MKNK2: variants seen among roughly 807,000 people sequenced by gnomAD.
MKNK2 encodes MAPK interacting serine/threonine kinase 2.
Under a neutral mutation model 55.0 loss-of-function variants are expected in MKNK2, and 54 were observed. The observed-to-expected ratio is 0.98, with a 90% CI of 0.79 to 1.23. The LOEUF is 1.23. Ranked by LOEUF, MKNK2 falls within the 50% of genes most tolerant of loss-of-function variation. The pLI, the probability that MKNK2 is intolerant of heterozygous loss-of-function variation, is 0.00. For missense variants in MKNK2, 685 were observed against 632.1 expected, an observed-to-expected ratio of 1.08 and a Z score of -0.90; for synonymous variants, 323 against 256.0, an observed-to-expected ratio of 1.26 and a Z score of -2.50.
chr19:2,042,964 GC>G, intron 7 of MKNK2, 94 bp from the exon 8 acceptor site: 3 of 1,385,828 alleles, frequency 2.2e-6, no homozygotes, highest in Non-Finnish European at 2.0e-6. Flanking sequence ...TGGCGGGGAC[GC>G]CCCCACACTG....
At chr19:2,040,604 C>G in intron 12 of MKNK2, 1 of 266,378 alleles carries the variant, frequency 3.8e-6, no homozygotes, top group Non-Finnish European at 7.2e-6. Flanking sequence ...ATCCTCACTC[C>G]CTGGGGTGGC....
At chr19:2,039,935 G>A in intron 13 of MKNK2, 79 bp from the exon 14 acceptor site, 2 of 1,496,876 alleles carry the variant, frequency 1.3e-6, no homozygotes, top group Non-Finnish European at 9.0e-7. Context: ...GGCCCTGGGG[G>A]AAGGGGCTTC....
At chr19:2,045,356 C>T (rs2016974758) in intron 5 of MKNK2, among the ~76,000 whole-genome samples, 1 of 152,180 alleles carries the variant, frequency 6.6e-6, no homozygotes, top group African/African-American at 2.4e-5. Flanking sequence ...GGAACGCCTG[C>T]TGTGTGGAAG....
At position 2,050,831 on chromosome 19, in the gene MKNK2, G is replaced by C. The variant is rs1350399616; in HGVS notation, c.21C>G (p.Ala7=). 9.1e-6 allele frequency: 14 copies of C among 1,537,400 alleles called. No homozygotes were observed. The highest frequency in any genetic ancestry group is 8.0e-5 in the Admixed American group (4 of 50,288). MVQKKP[A]ELQGFHRSFK... ...ACGAACGGTGGAAACCCTGAAGTTCGGCTGGTTTCTTCTGCACCATCTTCT... is the reference window on the plus strand; with the variant it reads ...ACGAACGGTGGAAACCCTGAAGTTCCGCTGGTTTCTTCTGCACCATCTTCT... The change falls in exon 2 of 14, where the codon GCC becomes GCG. Residue 7 remains alanine (A), a synonymous_variant. Coordinates refer to ENST00000250896, the MANE Select transcript of MKNK2 (RefSeq NM_199054.3).
intron 5 of MKNK2, among the ~76,000 whole-genome samples, 182 bp downstream of exon 5, chr19:2,046,004 C>A (rs1490857862): frequency 6.6e-6 from 1 of 152,238 alleles, no homozygotes; most frequent in Non-Finnish European, 1.5e-5. Flanking sequence ...GAAGCCCCCA[C>A]CCTGGTACCA....
At chr19:2,047,102 G>A (rs192795461) in intron 2 of MKNK2, among the ~76,000 whole-genome samples, 14 of 152,312 alleles carry the variant, frequency 9.2e-5, no homozygotes, top group African/African-American at 3.1e-4. Flanking sequence ...TGGAAGGCGT[G>A]AGGCCTCCTA....
At position 2,050,797 on chromosome 19, in the gene MKNK2, T is replaced by G. The variant is rs1217189189; in HGVS notation, c.51+4A>C. ...AGCGCCCCCAAACCGACCCCGGGCC[T>G]CACCTTGAACGAACGGTGGAAACCC... On this transcript the variant is annotated splice_donor_region_variant and intron_variant, in intron 2 of 13. Coordinates refer to ENST00000250896, the MANE Select transcript of MKNK2 (RefSeq NM_199054.3). 1 of 1,536,596 alleles carries G rather than the reference T, an allele frequency of 6.5e-7. No individual in the cohort carries two copies. The highest frequency in any genetic ancestry group is 8.8e-7 in the Non-Finnish European group (1 of 1,141,410).
chr19:2,050,474 C>T (rs1474729202), intron 2 of MKNK2, among the ~76,000 whole-genome samples: 3 of 152,240 alleles, frequency 2.0e-5, no homozygotes, highest in South Asian at 2.1e-4. Flanking sequence ...AGCCTGCTGA[C>T]CCCCCAGAAC....
At chr19:2,039,946 A>G in intron 13 of MKNK2, 90 bp from the exon 14 acceptor site, 2 of 1,472,192 alleles carry the variant, frequency 1.4e-6, no homozygotes, top group Non-Finnish European at 1.8e-6. Context: ...AAGGGGCTTC[A>G]TGCCCCCCTC....
At chr19:2,050,716 A>T (rs2017097228) in intron 2 of MKNK2, 85 bp downstream of exon 2, 1 of 1,337,976 alleles carries the variant, frequency 7.5e-7, no homozygotes, top group South Asian at 1.3e-5. Context: ...CCGGGAGCCG[A>T]TCTTAGGGGC....
In MKNK2 at chr19:2,041,068, TG is replaced by T; in HGVS notation, c.1081del (p.Gln361LysfsTer42). The T allele has an allele frequency of 6.2e-7, 1 of 1,613,972 alleles. No homozygotes were observed. Among genetic ancestry groups the T allele is most frequent in the Non-Finnish European group, 8.5e-7 (1 of 1,179,926 alleles). ...RDAKQRLSAA[Q>X]VLQHPWVQGC... Reference sequence around the variant, plus strand: ...CTGAACCCAGGGGTGCTGCAGGACTTGGGCGGCACTCAGCCTCTGCTTGGCG... The same window carrying T: ...CTGAACCCAGGGGTGCTGCAGGACTTGGCGGCACTCAGCCTCTGCTTGGCG... On this transcript the variant is annotated frameshift_variant, in exon 12 of 14. Transcript: ENST00000250896. LOFTEE classifies it high-confidence loss of function.
At chr19:2,040,383 C>T (rs1194676191) in intron 12 of MKNK2, 5 of 538,456 alleles carry the variant, frequency 9.3e-6, no homozygotes, top group East Asian at 3.2e-5. Flanking sequence ...CCAGGGAACC[C>T]GAGGCTGGGC....
Position 2,043,207 on chromosome 19 carries a change from G to A in MKNK2, c.420-10C>T. 6.2e-7 allele frequency: 1 copy of A among 1,606,814 alleles called. No individual in the cohort carries two copies. Among genetic ancestry groups the A allele is most frequent in the Non-Finnish European group, 8.5e-7 (1 of 1,173,804 alleles). Reference sequence around the variant, plus strand: ...CAGCTCTAGGACGTTCCTGGGGTGGGGGTGGGGGCAGGAGAGGAGCTGAGG... The same window carrying A: ...CAGCTCTAGGACGTTCCTGGGGTGGAGGTGGGGGCAGGAGAGGAGCTGAGG... On this transcript the variant is annotated splice_polypyrimidine_tract_variant and intron_variant, in intron 6 of 13. Coordinates refer to ENST00000250896, the MANE Select transcript of MKNK2 (RefSeq NM_199054.3).
Position 2,040,171 on chromosome 19 carries a change from G to A in MKNK2, c.1117C>T (p.Pro373Ser), listed in dbSNP as rs760762669. 4 of 1,584,346 alleles carry A rather than the reference G, an allele frequency of 2.5e-6. No homozygotes were observed. Among genetic ancestry groups the A allele is most frequent in the African/African-American group, 1.3e-5 (1 of 74,488 alleles). Residue 373 changes from proline (P) to serine (S), a missense_variant, in exon 13 of 14, where the codon CCG becomes TCG. Coordinates refer to ENST00000250896, the MANE Select transcript of MKNK2 (RefSeq NM_199054.3). ...LQHPWVQGCA[P>S]ENTLPTPMVL... ...ATGGGAGTGGGCAAGGTGTTCTCCG[G>A]GGCGCACTGCAACGAGAGTGGGCGG...
chr19:2,042,957 C>G, intron 7 of MKNK2, 87 bp from the exon 8 acceptor site: 3 of 1,417,808 alleles, frequency 2.1e-6, no homozygotes, highest in South Asian at 2.5e-5. Context: ...TCCACTTTGG[C>G]GGGGACGCCC....
Position 2,046,287 on chromosome 19 carries a change from C to G in MKNK2, c.242-4G>C, listed in dbSNP as rs1478027850. On this transcript the variant is annotated splice_region_variant and splice_polypyrimidine_tract_variant and intron_variant, in intron 4 of 13. Coordinates refer to ENST00000250896, the MANE Select transcript of MKNK2 (RefSeq NM_199054.3). ...TCTTCCTGCAGCTGGTAGACGTCTG[C>G]CGGGCAGCGGGGCGGGCGTGAGAGG... The G allele has an allele frequency of 6.2e-7, 1 of 1,603,826 alleles. No individual in the cohort carries two copies. The highest frequency in any genetic ancestry group is 1.7e-5 in the Admixed American group (1 of 60,000).
At position 2,038,092 on chromosome 19, in the gene MKNK2, G is replaced by T; in HGVS notation, c.*1521C>A. The T allele has an allele frequency of 8.8e-7, 1 of 1,140,642 alleles. No homozygotes were observed. The highest frequency in any genetic ancestry group is 1.1e-6 in the Non-Finnish European group (1 of 926,066). 70.7% of individuals were successfully genotyped at this position (1,140,642 alleles called of 1,614,324 possible). A position where few individuals can be genotyped will look rare whatever the true frequency, so the allele number is the denominator to read the frequency against. On this transcript the variant is annotated 3_prime_UTR_variant, in exon 14 of 14. Transcript: ENST00000250896. ...GATATGGGCAGTGGGGACCAGGGAA[G>T]GCAGAGCACCCCCACGGCCACCGGA...
intron 2 of MKNK2, among the ~76,000 whole-genome samples, chr19:2,048,069 G>T (rs2017037163): frequency 6.6e-6 from 1 of 152,174 alleles, no homozygotes; most frequent in African/African-American, 2.4e-5. Flanking sequence ...AGGCGCGAGT[G>T]TGCCAGGCCC....
rs749159900 is a variant in MKNK2 at position 2,037,835 on chromosome 19, GAA to G, written c.*1776_*1777del. 2,367 of 1,281,024 alleles carry G rather than the reference GAA, an allele frequency of 1.8e-3. 1 individual carries two copies. Among genetic ancestry groups the G allele is most frequent in the Middle Eastern group, 7.3e-3 (29 of 3,964 alleles). The allele number at this position is 1,281,024 out of a possible 1,614,324, so 79.4% of individuals were successfully genotyped here. On this transcript the variant is annotated 3_prime_UTR_variant, in exon 14 of 14. Transcript: ENST00000250896. ...GGAGGAAGTGACTGTCCCACCTTCAGAAAAAAAAAAAAAAACAAACAAACAAA... is the reference window on the plus strand; with the variant it reads ...GGAGGAAGTGACTGTCCCACCTTCAGAAAAAAAAAAAAACAAACAAACAAA...
Sources: gnomAD v4.1 joint callset for allele counts (sites outside exome capture counted in the v4.1 genomes callset) on GRCh38, gnomAD v4.1.1 for gene constraint, MANE v1.5 for transcripts, NCBI Gene and HGNC (gene_info 2026-07-23, HGNC 2026-07-21) for gene names.